IARS1: variants seen among roughly 807,000 people sequenced by gnomAD.
The protein encoded by IARS1 is isoleucyl-tRNA synthetase 1.
In IARS1, 124 loss-of-function variants were observed where a neutral mutation model predicts 168.2. That is an observed-to-expected ratio of 0.74 (90% CI 0.64 to 0.86). The LOEUF (loss-of-function observed/expected upper bound fraction) is 0.86. Among genes scored for constraint, IARS1 ranks in the 40% least tolerant of loss-of-function variants. IARS1 has a pLI of 0.00. For synonymous variants in IARS1, 532 were observed against 529.4 expected, an observed-to-expected ratio of 1.00 and a Z score of -0.07; for missense variants, 1,452 against 1,515.8, an observed-to-expected ratio of 0.96 and a Z score of 0.70.
chr9:92,241,106 A>C lies in IARS1; in HGVS notation c.3178-145T>G. On this transcript the variant is annotated intron_variant, in intron 29 of 33. Coordinates refer to ENST00000443024, the MANE Select transcript of IARS1 (RefSeq NM_002161.6). ...TCAATCTCATTACTCAAAGTATCAA[A>C]AGCTACAATTTATATCCCATTTTTC... The C allele has an allele frequency of 7.6e-6, 4 of 528,952 alleles. No individual in the cohort carries two copies. In the South Asian group the frequency reaches 1.3e-4, roughly 17 times the overall value. 32.8% of individuals were successfully genotyped at this position (528,952 alleles called of 1,614,324 possible). A position where few individuals can be genotyped will look rare whatever the true frequency, so the allele number is the denominator to read the frequency against.
chr9:92,232,332 G>A (rs1417200512), intron 30 of IARS1, among the ~76,000 whole-genome samples: 1 of 152,110 alleles, frequency 6.6e-6, no homozygotes, highest in Non-Finnish European at 1.5e-5. Flanking sequence ...ATACTACAAG[G>A]AAGCATATGT....
At chr9:92,225,784 G>A (rs749744147) in intron 31 of IARS1, among the ~76,000 whole-genome samples, 5 of 152,190 alleles carry the variant, frequency 3.3e-5, no homozygotes, top group African/African-American at 4.8e-5. Context: ...ACAGGATTTA[G>A]AAGGTAGAAG....
At position 92,243,332 on chromosome 9, in the gene IARS1, C is replaced by A. The variant is rs769182982; in HGVS notation, c.2905-21G>T. 3 of 1,500,500 alleles carry A rather than the reference C, an allele frequency of 2.0e-6. No homozygotes were observed. In the East Asian group the frequency reaches 6.8e-5, roughly 34 times the overall value. The allele number at this position is 1,500,500 out of a possible 1,614,324, so 92.9% of individuals were successfully genotyped here. On this transcript the variant is annotated intron_variant, in intron 27 of 33. Transcript: ENST00000443024. ...AAAGCCTGTGGGAATGAACAGTGCA[C>A]ACCATGACAATCAAATAAGGAGAAA...
intron 31 of IARS1, among the ~76,000 whole-genome samples, chr9:92,227,347 G>C (rs1478452331): frequency 6.6e-6 from 1 of 151,358 alleles, no homozygotes; most frequent in South Asian, 2.1e-4. Context: ...GGTGGTGGCC[G>C]GGCAGAGGTG....
chr9:92,282,353 A>AGTG (rs1834716448), intron 6 of IARS1, among the ~76,000 whole-genome samples: 1 of 151,784 alleles, frequency 6.6e-6, no homozygotes, highest in Admixed American at 6.6e-5. Context: ...CCCAAGCTGG[A>AGTG]GTGCAGTGAC....
rs200154437 is a variant in IARS1, at chr9:92,285,459, A to G, written c.597+263T>C. Among the ~76,000 whole-genome samples, 13 of 152,330 alleles carry G rather than the reference A, an allele frequency of 8.5e-5. No individual in the cohort carries two copies. In the East Asian group the frequency reaches 2.5e-3, roughly 29 times the overall value. ...GGACTTGTTAACCCAACAGAGAGGC[A>G]CAAAAATATGGTCAAAACAAGCAAA... On this transcript the variant is annotated intron_variant, in intron 6 of 33. Coordinates refer to ENST00000443024, the MANE Select transcript of IARS1 (RefSeq NM_002161.6).
chr9:92,224,786 T>C (rs532119736), intron 31 of IARS1, among the ~76,000 whole-genome samples: 18 of 152,144 alleles, frequency 1.2e-4, no homozygotes, highest in African/African-American at 3.1e-4. Flanking sequence ...TGAACTATGA[T>C]TGAGCCACTG....
At chr9:92,272,410 C>T (rs1833173746) in intron 10 of IARS1, among the ~76,000 whole-genome samples, 1 of 152,142 alleles carries the variant, frequency 6.6e-6, no homozygotes, top group South Asian at 2.1e-4. Flanking sequence ...GTAACTTTAC[C>T]CAGTGCATTA....
intron 13 of IARS1, 127 bp downstream of exon 13, chr9:92,269,758 G>A (rs1488185578): frequency 3.9e-5 from 24 of 610,704 alleles, no homozygotes; most frequent in South Asian, 3.2e-4. Flanking sequence ...ACACACAGAA[G>A]AAAAGATAGC....
chr9:92,278,471 C>T (rs115475766), intron 7 of IARS1, among the ~76,000 whole-genome samples, 185 bp from the exon 8 acceptor site: 210 of 152,230 alleles, frequency 1.4e-3, no homozygotes, highest in African/African-American at 4.6e-3. Flanking sequence ...ATGAAAATGA[C>T]AAAAACATCA....
intron 21 of IARS1, among the ~76,000 whole-genome samples, chr9:92,252,763 TCAAAA>T: frequency 8.8e-5 from 1 of 11,308 alleles, no homozygotes. Context: ...AAACTCCTTC[TCAAAA>T]AAAAAAAAAA....
At chr9:92,233,805 AGGCTGGAGTATAGTGGCATGATCAT>A (rs1827076207) in intron 30 of IARS1, among the ~76,000 whole-genome samples, 1 of 152,222 alleles carries the variant, frequency 6.6e-6, no homozygotes. Context: ...TGTGTGGCCC[AGGCTGGAGTATAGTGGCATGATCAT>A]GGCTCACTGC....
At position 92,270,919 on chromosome 9, in the gene IARS1, CA is replaced by C. The variant is rs1245788577; in HGVS notation, c.1205+65del. 3.5e-5 allele frequency: 37 copies of C among 1,051,572 alleles called. No homozygotes were observed. In the East Asian group the frequency reaches 8.9e-4, roughly 25 times the overall value. The allele number at this position is 1,051,572 out of a possible 1,614,324, so 65.1% of individuals were successfully genotyped here. On this transcript the variant is annotated intron_variant, in intron 12 of 33. Transcript: ENST00000443024. Reference sequence around the variant, plus strand: ...AACACCACAAATAAGATGGAATGGGCACATATAGTAAGTGTAAGCACAGACT... The same window carrying C: ...AACACCACAAATAAGATGGAATGGGCCATATAGTAAGTGTAAGCACAGACT...
chr9:92,276,392 G>A (rs923309326), intron 9 of IARS1, among the ~76,000 whole-genome samples: 2 of 152,192 alleles, frequency 1.3e-5, no homozygotes, highest in Admixed American at 1.3e-4. Flanking sequence ...AAGCAGCTCT[G>A]CCACATACCG....
At chr9:92,252,233 A>T in intron 21 of IARS1, 3 of 436,692 alleles carry the variant, frequency 6.9e-6, no homozygotes, top group Non-Finnish European at 1.3e-5. Flanking sequence ...CTAACCAAAA[A>T]CTTTAAAGTA....
rs1365762727 is a variant in IARS1, at chr9:92,250,244, C to T, written c.2475G>A (p.Met825Ile). 3.1e-6 allele frequency: 5 copies of T among 1,612,490 alleles called. No individual in the cohort carries two copies. The highest frequency in any genetic ancestry group is 4.2e-6 in the Non-Finnish European group (5 of 1,178,540). ...CTCTTCCAAGTTCAATCACAGACTG[C>T]ATCTGAGATACTGCACTCTCTGTTT... ...DKKTESAVSQ[M>I]QSVIELGRVI... Residue 825 changes from methionine to isoleucine, a missense_variant, in exon 24 of 34, where the codon ATG becomes ATA. Transcript: ENST00000443024.
intron 2 of IARS1, 71 bp downstream of exon 2, chr9:92,289,230 A>AATT: frequency 1.8e-6 from 1 of 562,922 alleles, no homozygotes. Context: ...AAAAAAAAGT[A>AATT]TCTGCTTTAA....
intron 31 of IARS1, among the ~76,000 whole-genome samples, chr9:92,228,061 A>G (rs1826043589): frequency 6.6e-6 from 1 of 152,154 alleles, no homozygotes; most frequent in Non-Finnish European, 1.5e-5. Context: ...GCACTGAGTG[A>G]ACGAGACTCC....
chr9:92,242,768 G>A (rs1358688387), intron 28 of IARS1: 5 of 200,262 alleles, frequency 2.5e-5, no homozygotes, highest in Non-Finnish European at 5.1e-5. Context: ...CAGGGGCTTT[G>A]CAGCCCCTCT....
Sources: allele counts gnomAD v4.1 joint callset (sites outside exome capture counted in the v4.1 genomes callset), GRCh38; gene constraint gnomAD v4.1.1; transcripts MANE v1.5; gene names NCBI Gene and HGNC (gene_info 2026-07-23, HGNC 2026-07-21).